Variants in RABGEF1 observed in about 807,000 individuals in gnomAD.
RABGEF1 encodes the protein rab5 GDP/GTP exchange factor.
RABGEF1 carries 26 observed loss-of-function variants against 57.3 expected under a neutral mutation model. The ratio of observed to expected loss-of-function variants is 0.45; its 90% CI spans 0.33 to 0.63. The LOEUF is 0.63. Among genes scored for constraint, RABGEF1 ranks in the 20% least tolerant of loss-of-function variants. RABGEF1 has a pLI of 0.02. For missense variants in RABGEF1, 464 were observed against 607.6 expected (o/e 0.76, Z 2.48); for synonymous variants, 185 against 210.7 (o/e 0.88, Z 1.06).
At chr7:66,795,702 C>A in intron 5 of RABGEF1, 110 bp downstream of exon 5, 1 of 992,160 alleles carries the variant, frequency 1.0e-6, no homozygotes, top group East Asian at 2.4e-5. Context: ...TAGACTTCAT[C>A]CTGTAACCTC....
rs114512456 is a variant in RABGEF1 at position 66,787,194 on chromosome 7, T to A, written c.513+3353T>A. 6.8e-3 allele frequency among the ~76,000 whole-genome samples: 1,032 copies of A among 151,472 alleles called. 14 individuals are homozygous for A. Among genetic ancestry groups the A allele is most frequent in the African/African-American group, 0.024 (982 of 41,300 alleles). ...TGCATGTGCCACCATGCCCAGATAA[T>A]TTTTACTTTTTTTTTTTTTTGTAGA... On this transcript the variant is annotated intron_variant, in intron 4 of 8. Transcript: ENST00000284957.
chr7:66,672,300 C>T, the RABGEF1 span, among the ~76,000 whole-genome samples: 4 of 151,280 alleles, frequency 2.6e-5, no homozygotes, highest in Admixed American at 2.0e-4. Flanking sequence ...GGCGCGGTGG[C>T]GGGCACCTGT....
chr7:66,720,317 C>T (rs1392273976), intron 2 of RABGEF1, among the ~76,000 whole-genome samples: 3 of 151,114 alleles, frequency 2.0e-5, no homozygotes, highest in African/African-American at 7.3e-5. Context: ...CGTGCCTCAG[C>T]CACCCCAGTA....
At chr7:66,727,140 TC>T (rs1382090910) in intron 2 of RABGEF1, among the ~76,000 whole-genome samples, 8 of 152,212 alleles carry the variant, frequency 5.3e-5, no homozygotes, top group Non-Finnish European at 7.4e-5. Flanking sequence ...ATAAAGCTAT[TC>T]TTTTAATAAA....
the RABGEF1 span, among the ~76,000 whole-genome samples, chr7:66,659,472 G>T: frequency 7.2e-6 from 1 of 139,554 alleles, no homozygotes; most frequent in Admixed American, 7.2e-5. Context: ...AAAGAAAAAA[G>T]AAAAAAAAGA....
intron 1 of RABGEF1, among the ~76,000 whole-genome samples, chr7:66,707,238 A>G (rs986367211): frequency 6.6e-6 from 1 of 152,214 alleles, no homozygotes; most frequent in Non-Finnish European, 1.5e-5. Flanking sequence ...GACATATTTT[A>G]TGGCCTAGCA....
intron 2 of RABGEF1, among the ~76,000 whole-genome samples, chr7:66,773,286 A>G (rs1365965430): frequency 6.6e-6 from 1 of 152,150 alleles, no homozygotes; most frequent in Non-Finnish European, 1.5e-5. Context: ...ATCCTGTTTC[A>G]AAAACAGAGT....
At chr7:66,709,483 G>A (rs142315190) in intron 1 of RABGEF1, among the ~76,000 whole-genome samples, 160 of 152,100 alleles carry the variant, frequency 1.1e-3, no homozygotes, top group African/African-American at 3.5e-3. Flanking sequence ...TATTACAGTG[G>A]TACCATAGAA....
intron 4 of RABGEF1, among the ~76,000 whole-genome samples, chr7:66,794,128 T>C (rs1028322554): frequency 6.6e-6 from 1 of 152,116 alleles, no homozygotes; most frequent in African/African-American, 2.4e-5. Flanking sequence ...GGCTGACTCT[T>C]GACTAATTTA....
chr7:66,722,126 C>A (rs1796118883), intron 2 of RABGEF1, among the ~76,000 whole-genome samples: 1 of 152,104 alleles, frequency 6.6e-6, no homozygotes, highest in African/African-American at 2.4e-5. Flanking sequence ...CACTGCACTT[C>A]ATCCTGGGCA....
At chr7:66,664,534 G>A in the RABGEF1 span, among the ~76,000 whole-genome samples, 4 of 152,148 alleles carry the variant, frequency 2.6e-5, no homozygotes, top group African/African-American at 4.8e-5. Context: ...AGCCCAGGAG[G>A]TTGAGGCTGC....
chr7:66,750,708 C>T (rs1801211634), intron 1 of RABGEF1, among the ~76,000 whole-genome samples: 1 of 152,184 alleles, frequency 6.6e-6, no homozygotes, highest in Non-Finnish European at 1.5e-5. Flanking sequence ...TAGATTCTGA[C>T]AGAAAAACTG....
At chr7:66,808,834 C>G in intron 8 of RABGEF1, 52 bp from the exon 9 acceptor site, 1 of 1,441,226 alleles carries the variant, frequency 6.9e-7, no homozygotes, top group Non-Finnish European at 9.4e-7. Flanking sequence ...CAAATCGACT[C>G]GAGTATGCAT....
the RABGEF1 span, among the ~76,000 whole-genome samples, chr7:66,676,103 T>C: frequency 6.6e-6 from 1 of 152,042 alleles, no homozygotes; most frequent in African/African-American, 2.4e-5. Context: ...GACAGATCAT[T>C]GAGGTCACGA....
chr7:66,698,289 G>T (rs573379643), intron 1 of RABGEF1, among the ~76,000 whole-genome samples: 4 of 152,306 alleles, frequency 2.6e-5, no homozygotes, highest in African/African-American at 9.6e-5. Flanking sequence ...TTAGACCATG[G>T]TTCCCAGCCA....
chr7:66,674,985 T>G, the RABGEF1 span, among the ~76,000 whole-genome samples: 1 of 152,012 alleles, frequency 6.6e-6, no homozygotes, highest in Admixed American at 6.6e-5. Context: ...CTAGATGTCA[T>G]ATTTTTCCAT....
At chr7:66,776,785 C>T (rs536186800) in intron 3 of RABGEF1, among the ~76,000 whole-genome samples, 4 of 151,806 alleles carry the variant, frequency 2.6e-5, no homozygotes, top group East Asian at 1.9e-4. Context: ...TTTATCTCTA[C>T]GAAAAAGGGG....
At chr7:66,699,316 T>A (rs1365982377) in intron 1 of RABGEF1, among the ~76,000 whole-genome samples, 1 of 152,204 alleles carries the variant, frequency 6.6e-6, no homozygotes, top group Non-Finnish European at 1.5e-5. Flanking sequence ...GGACTGGATT[T>A]GAATCCTGTC....
At chr7:66,734,249 C>A (rs561325024) in intron 2 of RABGEF1, among the ~76,000 whole-genome samples, 1 of 152,252 alleles carries the variant, frequency 6.6e-6, no homozygotes, top group East Asian at 1.9e-4. Flanking sequence ...CACGGGTTAT[C>A]GGTGTCTGAT....
Sources: allele counts gnomAD v4.1 joint callset (sites outside exome capture counted in the v4.1 genomes callset), GRCh38; gene constraint gnomAD v4.1.1; transcripts MANE v1.5; gene names NCBI Gene and HGNC (gene_info 2026-07-23, HGNC 2026-07-21).